Variants in KLF12 observed in about 807,000 individuals in gnomAD.
KLF12 encodes the protein KLF transcription factor 12.
Under a neutral mutation model 37.8 loss-of-function variants are expected in KLF12, and 9 were observed. That is an observed-to-expected ratio of 0.24 (90% confidence interval 0.14 to 0.42). The LOEUF (loss-of-function observed/expected upper bound fraction) is 0.42, where lower values mean the gene tolerates loss of function less well. Among genes scored for constraint, KLF12 ranks in the 10% least tolerant of loss-of-function variants. KLF12 has a pLI of 1.00. For missense variants in KLF12, 411 were observed against 516.0 expected, an observed-to-expected ratio of 0.80 and a Z score of 1.97; for synonymous variants, 208 against 202.1, an observed-to-expected ratio of 1.03 and a Z score of -0.25.
chr13:73,997,348 G>C (rs1892149163), intron 1 of KLF12, among the ~76,000 whole-genome samples: 1 of 151,404 alleles, frequency 6.6e-6, no homozygotes, highest in Non-Finnish European at 1.5e-5. Context: ...AATAATACCT[G>C]CTTTATATAC....
chr13:74,298,764 A>T, the KLF12 span, among the ~76,000 whole-genome samples: 1 of 152,140 alleles, frequency 6.6e-6, no homozygotes, highest in Non-Finnish European at 1.5e-5. Flanking sequence ...AAATAGATTA[A>T]CATTTAGCTC....
intron 4 of KLF12, among the ~76,000 whole-genome samples, chr13:73,825,080 AC>A (rs66567136): frequency 0.23 from 33,856 of 147,914 alleles, 3,977 homozygotes; most frequent in East Asian, 0.48. Flanking sequence ...AAAAAAAAAA[AC>A]AATAGAAATA....
chr13:73,813,013 C>G lies in KLF12; in HGVS notation c.806+139G>C, dbSNP rs181653605. 8.5e-6 allele frequency: 7 copies of G among 823,402 alleles called. No homozygotes were observed. In the East Asian group the frequency reaches 1.3e-4, roughly 15 times the overall value. The allele number at this position is 823,402 out of a possible 1,614,324, so 51.0% of individuals were successfully genotyped here. A position where few individuals can be genotyped will look rare whatever the true frequency, so the allele number is the denominator to read the frequency against. ...CTGCCCTAATCTCCCAAAGAGCATT[C>G]AGCTGAATGAAAAGCTGCTGACATT... On this transcript the variant is annotated intron_variant, in intron 5 of 7. Coordinates refer to ENST00000377669, the MANE Select transcript of KLF12 (RefSeq NM_007249.5).
chr13:74,056,121 T>C (rs936749909), intron 1 of KLF12, among the ~76,000 whole-genome samples: 1 of 151,924 alleles, frequency 6.6e-6, no homozygotes, highest in African/African-American at 2.4e-5. Flanking sequence ...ACAAATGTTT[T>C]TAAAATAGGA....
At chr13:74,135,125 C>G (rs908219381), upstream of KLF12, among the ~76,000 whole-genome samples, 1 of 151,820 alleles carries the variant, frequency 6.6e-6, no homozygotes, top group African/African-American at 2.4e-5. Context: ...GAGCGACGCA[C>G]GTTGCGGGCG....
intron 7 of KLF12, among the ~76,000 whole-genome samples, chr13:73,712,338 C>CAAAAAAAAAAAAAAA (rs752694466): frequency 2.4e-4 from 10 of 42,054 alleles, no homozygotes; most frequent in Non-Finnish European, 4.1e-4. Context: ...AACTCCATGT[C>CAAAAAAAAAAAAAAA]AAAAAAAAAA....
chr13:73,709,407 A>C (rs1489554463), intron 7 of KLF12, among the ~76,000 whole-genome samples: 2 of 152,200 alleles, frequency 1.3e-5, no homozygotes, highest in African/African-American at 4.8e-5. Flanking sequence ...TTGGTCACAC[A>C]CAAGTAACTT....
At chr13:73,975,806 C>T (rs7332649) in intron 2 of KLF12, among the ~76,000 whole-genome samples, 133,402 of 152,110 alleles carry the variant, frequency 0.88, 58,699 homozygotes, top group East Asian at 0.93. Flanking sequence ...CCTCCTTTGG[C>T]TTACCTCTAA....
At chr13:74,017,556 T>C (rs1892724500) in intron 1 of KLF12, among the ~76,000 whole-genome samples, 1 of 145,402 alleles carries the variant, frequency 6.9e-6, no homozygotes, top group Admixed American at 7.0e-5. Flanking sequence ...CCCTCCTTCC[T>C]GTCCCCCCCA....
chr13:73,880,893 G>T lies in KLF12; in HGVS notation c.124-34520C>A, dbSNP rs572264936. 1.6e-4 allele frequency among the ~76,000 whole-genome samples: 24 copies of T among 152,210 alleles called. No individual in the cohort carries two copies. In the East Asian group the frequency reaches 4.6e-3, roughly 29 times the overall value. On this transcript the variant is annotated intron_variant, in intron 3 of 7. Transcript: ENST00000377669. ...CTATCAAAACTTTTGCTTTTAAAAA[G>T]ACTAGACAATGTTATTAGCAAACAG...
chr13:73,994,104 A>G (rs185880668), intron 2 of KLF12, among the ~76,000 whole-genome samples: 64 of 152,362 alleles, frequency 4.2e-4, no homozygotes, highest in Admixed American at 1.6e-3. Flanking sequence ...TGAGGATGGA[A>G]GAAGGCAATT....
chr13:74,097,958 T>C (rs1876077686), intron 1 of KLF12, among the ~76,000 whole-genome samples: 1 of 152,166 alleles, frequency 6.6e-6, no homozygotes, highest in African/African-American at 2.4e-5. Context: ...AATATTTATG[T>C]ATCAAACAAG....
intron 5 of KLF12, among the ~76,000 whole-genome samples, chr13:73,769,791 A>C (rs1880154534): frequency 6.6e-6 from 1 of 152,218 alleles, no homozygotes; most frequent in African/African-American, 2.4e-5. Context: ...AAACCCTTAG[A>C]ATAACATGTG....
At chr13:73,981,019 G>T (rs1310594827) in intron 2 of KLF12, among the ~76,000 whole-genome samples, 1 of 152,066 alleles carries the variant, frequency 6.6e-6, no homozygotes, top group Non-Finnish European at 1.5e-5. Flanking sequence ...AATTAGCCGG[G>T]CGTGGTGATG....
chr13:73,994,389 G>C (rs370306932), intron 2 of KLF12, among the ~76,000 whole-genome samples: 2 of 151,902 alleles, frequency 1.3e-5, no homozygotes, highest in African/African-American at 4.8e-5. Context: ...ATTGTAACCA[G>C]TAGAAACTAC....
chr13:73,769,868 T>C (rs1241688340), intron 5 of KLF12, among the ~76,000 whole-genome samples: 2 of 151,964 alleles, frequency 1.3e-5, no homozygotes, highest in African/African-American at 4.8e-5. Flanking sequence ...TGAGAATAAA[T>C]GATTATTCCA....
chr13:73,984,213 TCC>T (rs1891761175), intron 2 of KLF12, among the ~76,000 whole-genome samples: 1 of 152,188 alleles, frequency 6.6e-6, no homozygotes, highest in Non-Finnish European at 1.5e-5. Flanking sequence ...AGAACTGTCT[TCC>T]CTGCAGCATG....
chr13:74,296,200 G>A, the KLF12 span, among the ~76,000 whole-genome samples: 1,160 of 150,676 alleles, frequency 7.7e-3, 10 homozygotes, highest in African/African-American at 0.027. Flanking sequence ...AATCTTTCCC[G>A]ATTCCTTGAT....
intron 3 of KLF12, among the ~76,000 whole-genome samples, chr13:73,939,534 C>T (rs763645714): frequency 6.6e-6 from 1 of 152,054 alleles, no homozygotes; most frequent in Non-Finnish European, 1.5e-5. Context: ...TCAGATCTAC[C>T]TACCCTATGT....
Sources: gnomAD v4.1 joint callset for allele counts (sites outside exome capture counted in the v4.1 genomes callset) on GRCh38, gnomAD v4.1.1 for gene constraint, MANE v1.5 for transcripts, NCBI Gene and HGNC (gene_info 2026-07-23, HGNC 2026-07-21) for gene names.